Variants in NEGR1 observed in about 807,000 individuals in gnomAD.
NEGR1 encodes the protein IgLON family member 4.
Under a neutral mutation model 40.9 loss-of-function variants are expected in NEGR1, and 10 were observed. The ratio of observed to expected loss-of-function variants is 0.24; its 90% CI spans 0.15 to 0.42. NEGR1 has a LOEUF of 0.42. Among genes scored for constraint, NEGR1 ranks in the 10% least tolerant of loss-of-function variants. The pLI, the probability that NEGR1 is intolerant of heterozygous loss-of-function variation, is 1.00. For missense variants in NEGR1, 352 were observed against 438.9 expected, an observed-to-expected ratio of 0.80 and a Z score of 1.77; for synonymous variants, 185 against 166.8, an observed-to-expected ratio of 1.11 and a Z score of -0.84.
chr1:71,617,552 T>C (rs1280421832), intron 4 of NEGR1, among the ~76,000 whole-genome samples: 1 of 152,246 alleles, frequency 6.6e-6, no homozygotes, highest in Admixed American at 6.5e-5. Flanking sequence ...TGTTGGTATA[T>C]GCATGGACGG....
intron 2 of NEGR1, among the ~76,000 whole-genome samples, chr1:71,894,865 G>C (rs1194456100): frequency 1.3e-5 from 2 of 152,110 alleles, no homozygotes; most frequent in Non-Finnish European, 2.9e-5. Flanking sequence ...CTATAATCAT[G>C]CCTGTGAATA....
At chr1:72,276,276 A>G (rs1387584239) in intron 1 of NEGR1, among the ~76,000 whole-genome samples, 4 of 152,126 alleles carry the variant, frequency 2.6e-5, no homozygotes, top group Admixed American at 2.6e-4. Flanking sequence ...TGTTATGGTC[A>G]CATACTTCAT....
intron 1 of NEGR1, among the ~76,000 whole-genome samples, chr1:72,257,228 A>G (rs916286437): frequency 1.6e-4 from 23 of 148,280 alleles, no homozygotes; most frequent in Admixed American, 5.4e-4. Flanking sequence ...AGGCTGAGGC[A>G]GGAGAATGGC....
chr1:71,887,510 AT>A (rs1014989088), intron 2 of NEGR1, among the ~76,000 whole-genome samples: 2 of 152,044 alleles, frequency 1.3e-5, no homozygotes, highest in African/African-American at 4.8e-5. Flanking sequence ...TTTTTAATTT[AT>A]TTTTTCTTTA....
intron 6 of NEGR1, among the ~76,000 whole-genome samples, chr1:71,551,521 C>A (rs894180696): frequency 2.0e-5 from 3 of 151,544 alleles, no homozygotes; most frequent in African/African-American, 7.3e-5. Flanking sequence ...TCTTTTCTTG[C>A]ACTTATTTAT....
intron 1 of NEGR1, among the ~76,000 whole-genome samples, chr1:71,983,561 CAGTAAGT>C: frequency 6.6e-6 from 1 of 152,268 alleles, no homozygotes; most frequent in South Asian, 2.1e-4. Flanking sequence ...GCTTGAACTT[CAGTAAGT>C]TTTACTTTGA....
chr1:72,033,477 G>A (rs1646876526), intron 1 of NEGR1, among the ~76,000 whole-genome samples: 1 of 152,112 alleles, frequency 6.6e-6, no homozygotes, highest in African/African-American at 2.4e-5. Context: ...CCAATACTAT[G>A]TATTTCCATA....
At chr1:72,250,546 A>T (rs1260791455) in intron 1 of NEGR1, among the ~76,000 whole-genome samples, 1 of 152,180 alleles carries the variant, frequency 6.6e-6, no homozygotes, top group Non-Finnish European at 1.5e-5. Context: ...TATGAAAAAC[A>T]ATTAAGTCAA....
At chr1:72,170,076 C>G (rs1651906837) in intron 1 of NEGR1, among the ~76,000 whole-genome samples, 1 of 152,076 alleles carries the variant, frequency 6.6e-6, no homozygotes, top group Non-Finnish European at 1.5e-5. Context: ...TTTAAAACAT[C>G]TTTTATAAAA....
In NEGR1 at chr1:72,248,575, TTTATTATTATTA is replaced by T. The variant is rs201326223; in HGVS notation, c.176+33732_176+33743del. On this transcript the variant is annotated intron_variant, in intron 1 of 6. Coordinates refer to ENST00000357731, the MANE Select transcript of NEGR1 (RefSeq NM_173808.3). ...GCCCAGCCTGAGACTTCTATTTTTA[TTTATTATTATTA>T]TTATTATTATTATTATTATTATTAT... Among the ~76,000 whole-genome samples the T allele has an allele frequency of 1.6e-4, 21 of 132,962 alleles. 1 individual carries two copies. The highest frequency in any genetic ancestry group is 4.9e-4 in the South Asian group (2 of 4,070). 87.2% of individuals were successfully genotyped at this position (132,962 alleles called of 152,430 possible).
chr1:71,928,298 G>A (rs1381950753), intron 2 of NEGR1, among the ~76,000 whole-genome samples: 1 of 70,848 alleles, frequency 1.4e-5, no homozygotes, highest in African/African-American at 4.7e-5. Context: ...ATGTATATAT[G>A]TATATATACA....
intron 1 of NEGR1, among the ~76,000 whole-genome samples, chr1:71,956,190 C>T (rs1039081270): frequency 3.3e-5 from 5 of 152,086 alleles, no homozygotes; most frequent in African/African-American, 1.2e-4. Flanking sequence ...ATTACAGACA[C>T]CTTGAGTATG....
At chr1:72,232,957 A>G (rs1041390653) in intron 1 of NEGR1, among the ~76,000 whole-genome samples, 1 of 152,214 alleles carries the variant, frequency 6.6e-6, no homozygotes, top group South Asian at 2.1e-4. Flanking sequence ...CTTGAAAAAT[A>G]GCCAACTGGC....
chr1:71,914,954 A>G (rs1174368666), intron 2 of NEGR1, among the ~76,000 whole-genome samples: 6 of 151,970 alleles, frequency 3.9e-5, no homozygotes, highest in Non-Finnish European at 8.8e-5. Context: ...TATTTTTGCT[A>G]TTGCTAATGG....
At chr1:71,513,245 T>C (rs1265917643) in intron 6 of NEGR1, among the ~76,000 whole-genome samples, 2 of 152,208 alleles carry the variant, frequency 1.3e-5, no homozygotes, top group African/African-American at 2.4e-5. Flanking sequence ...TATATTTTTC[T>C]ACCTGTTTTC....
At chr1:71,739,216 A>T (rs1221420411) in intron 3 of NEGR1, among the ~76,000 whole-genome samples, 1 of 143,502 alleles carries the variant, frequency 7.0e-6, no homozygotes, top group Admixed American at 6.8e-5. Context: ...AAAAAAAAAA[A>T]ACAAAAAAAA....
intron 6 of NEGR1, among the ~76,000 whole-genome samples, chr1:71,412,170 A>G (rs1646327203): frequency 6.6e-6 from 1 of 152,130 alleles, no homozygotes; most frequent in South Asian, 2.1e-4. Flanking sequence ...GTTCTAGTCA[A>G]CTTATCCAGA....
chr1:71,980,494 T>C (rs1309445644), intron 1 of NEGR1, among the ~76,000 whole-genome samples: 9 of 152,196 alleles, frequency 5.9e-5, no homozygotes, highest in African/African-American at 2.2e-4. Flanking sequence ...CGGTTAAATA[T>C]GACTCTATAC....
chr1:72,180,361 A>G (rs941599367), intron 1 of NEGR1, among the ~76,000 whole-genome samples: 7 of 152,060 alleles, frequency 4.6e-5, no homozygotes, highest in Non-Finnish European at 7.4e-5. Context: ...TATAACATTC[A>G]TAAAAGAGAA....
Sources: gnomAD v4.1 joint callset for allele counts (sites outside exome capture counted in the v4.1 genomes callset) on GRCh38, gnomAD v4.1.1 for gene constraint, MANE v1.5 for transcripts, NCBI Gene and HGNC (gene_info 2026-07-23, HGNC 2026-07-21) for gene names.